Variants in LPIN1 observed in about 807,000 individuals in gnomAD.
The protein encoded by LPIN1 is phosphatidate phosphatase LPIN1.
LPIN1 carries 71 observed loss-of-function variants against 107.5 expected under a neutral mutation model. The ratio of observed to expected loss-of-function variants is 0.66; its 90% CI spans 0.55 to 0.80. The LOEUF (loss-of-function observed/expected upper bound fraction) is 0.80, where lower values mean the gene tolerates loss of function less well. Among genes scored for constraint, LPIN1 ranks in the 30% least tolerant of loss-of-function variants. The pLI is 0.00. For missense variants in LPIN1, 1,043 were observed against 1,160.6 expected (o/e 0.90, Z 1.47); for synonymous variants, 445 against 452.6 (o/e 0.98, Z 0.21).
At chr2:11,683,751 G>C (rs1383763408) in intron 1 of LPIN1, among the ~76,000 whole-genome samples, 4 of 152,220 alleles carry the variant, frequency 2.6e-5, no homozygotes. Flanking sequence ...CAGGACGGCT[G>C]GTGTTTATGT....
At chr2:11,691,625 G>T (rs1387656409) in intron 1 of LPIN1, among the ~76,000 whole-genome samples, 1 of 152,174 alleles carries the variant, frequency 6.6e-6, no homozygotes, top group Non-Finnish European at 1.5e-5. Flanking sequence ...TGTCATATTT[G>T]CTTATCCATT....
chr2:11,785,684 C>T (rs907267835), intron 10 of LPIN1, among the ~76,000 whole-genome samples: 4 of 152,138 alleles, frequency 2.6e-5, no homozygotes, highest in Admixed American at 2.0e-4. Flanking sequence ...TTTTCCATCC[C>T]CTCGTGGTAT....
Position 11,797,506 on chromosome 2 carries a change from C to T in LPIN1, c.1886+2019C>T, listed in dbSNP as rs576855420. Among the ~76,000 whole-genome samples the T allele has an allele frequency of 3.9e-5, 6 of 152,328 alleles. No individual in the cohort carries two copies. The East Asian group carries it at 1.2e-3, about 29-fold the overall frequency. ...CTGGCAGTGCCCAAGGCTGTGGGAGCCCACCTCTTACATTAGTGTGACCTG... is the reference window on the plus strand; with the variant it reads ...CTGGCAGTGCCCAAGGCTGTGGGAGTCCACCTCTTACATTAGTGTGACCTG... On this transcript the variant is annotated intron_variant, in intron 14 of 20. Transcript: ENST00000674199.
upstream of LPIN1, among the ~76,000 whole-genome samples, chr2:11,744,584 C>A (rs1179086170): frequency 6.6e-6 from 1 of 152,182 alleles, no homozygotes; most frequent in African/African-American, 2.4e-5. Context: ...AGAATGAGGG[C>A]TTTGAGTTGA....
chr2:11,714,518 C>T (rs1663605531), intron 2 of LPIN1, among the ~76,000 whole-genome samples: 1 of 152,168 alleles, frequency 6.6e-6, no homozygotes, highest in Non-Finnish European at 1.5e-5. Context: ...AGAGGTGGTC[C>T]CAAACTCTGT....
chr2:11,740,290 C>T lies in LPIN1; in HGVS notation c.-71-1059C>T, dbSNP rs191050317. Among the ~76,000 whole-genome samples the T allele has an allele frequency of 1.3e-4, 20 of 152,316 alleles. 1 individual carries two copies. The highest frequency in any genetic ancestry group is 2.6e-4 in the Admixed American group (4 of 15,294). On this transcript the variant is annotated intron_variant, in intron 1 of 21. Transcript: ENST00000396097. ...GAATCTTCCTTCCTCACTCAGTTCACTGATCCAAATGCCAACCTCTACCAG... is the reference window on the plus strand; with the variant it reads ...GAATCTTCCTTCCTCACTCAGTTCATTGATCCAAATGCCAACCTCTACCAG...
chr2:11,705,256 TC>T (rs1663070888), intron 1 of LPIN1, among the ~76,000 whole-genome samples: 1 of 152,146 alleles, frequency 6.6e-6, no homozygotes, highest in Non-Finnish European at 1.5e-5. Context: ...CTCGGCCAAG[TC>T]CTTTGACCTT....
rs774080823 is a variant in LPIN1 at position 11,824,668 on chromosome 2, C to T, written c.2658C>T (p.Phe886=). 3 of 1,614,104 alleles carry T rather than the reference C, an allele frequency of 1.9e-6. No individual in the cohort carries two copies. Among genetic ancestry groups the T allele is most frequent in the Admixed American group, 3.3e-5 (2 of 60,016 alleles). ...TCTGTGAAGTAGTCGACCACGTTTTCCCGTTGCTGAAAAGAAGCCATTCTT... is the reference window on the plus strand; with the variant it reads ...TCTGTGAAGTAGTCGACCACGTTTTTCCGTTGCTGAAAAGAAGCCATTCTT... ...VRLCEVVDHV[F]PLLKRSHSSD... is the part of the protein sequence containing the mutation. Residue 886 remains phenylalanine, a synonymous_variant, in exon 21 of 21, where the codon TTC becomes TTT. Transcript: ENST00000674199.
At chr2:11,772,392 C>G (rs1671996061) in intron 4 of LPIN1, among the ~76,000 whole-genome samples, 1 of 152,208 alleles carries the variant, frequency 6.6e-6, no homozygotes, top group African/African-American at 2.4e-5. Context: ...TGCCAAACCT[C>G]CTTGGCTGAT....
Position 11,773,752 on chromosome 2 carries a change from T to C in LPIN1, c.722+7T>C, listed in dbSNP as rs768694695. 7 of 1,613,990 alleles carry C rather than the reference T, an allele frequency of 4.3e-6. No homozygotes were observed. The highest frequency in any genetic ancestry group is 1.7e-5 in the Admixed American group (1 of 60,010). On this transcript the variant is annotated splice_region_variant and intron_variant, in intron 5 of 20. Coordinates refer to ENST00000674199, the MANE Select transcript of LPIN1 (RefSeq NM_001349206.2). ...AGTGGTCACCCACTCCCAGGTAAGCTGTTCCCTGTTCCCCTGGCCCAGTGC... is the reference window on the plus strand; with the variant it reads ...AGTGGTCACCCACTCCCAGGTAAGCCGTTCCCTGTTCCCCTGGCCCAGTGC...
chr2:11,793,239 A>G (rs1676094828), intron 13 of LPIN1, among the ~76,000 whole-genome samples: 1 of 152,188 alleles, frequency 6.6e-6, no homozygotes, highest in African/African-American at 2.4e-5. Flanking sequence ...TCACTCCCAC[A>G]CCAGGTCCTA....
exon 1 of LPIN1, chr2:11,724,437 C>G: frequency 6.1e-6 from 6 of 985,764 alleles, no homozygotes; most frequent in Non-Finnish European, 7.2e-6. Flanking sequence ...AGGGCAAGAC[C>G]GGGGCCAGCC....
chr2:11,767,140 T>C (rs560822618), intron 2 of LPIN1, among the ~76,000 whole-genome samples: 1 of 152,352 alleles, frequency 6.6e-6, no homozygotes, highest in Admixed American at 6.5e-5. Context: ...AAACAAATCC[T>C]TGCAAATAGA....
intron 1 of LPIN1, among the ~76,000 whole-genome samples, chr2:11,686,003 G>A (rs1486002936): frequency 6.6e-6 from 1 of 152,180 alleles, no homozygotes; most frequent in East Asian, 1.9e-4. Flanking sequence ...TGTAAGTGCA[G>A]CCTTCTCCAG....
chr2:11,756,777 C>T (rs754665489), intron 1 of LPIN1, among the ~76,000 whole-genome samples: 10 of 152,252 alleles, frequency 6.6e-5, no homozygotes, highest in East Asian at 1.9e-4. Flanking sequence ...AAGTGGAATA[C>T]GCTTGTAGAT....
In LPIN1 at chr2:11,800,414, T is replaced by G. The variant is rs193085795; in HGVS notation, c.1887-2493T>G. On this transcript the variant is annotated intron_variant, in intron 14 of 20. Transcript: ENST00000674199. ...AGTATTGGGTTGTAGGGATCTCTTTTTTTTCTTTTTTGAGACAGGGTCTTA... is the reference window on the plus strand; with the variant it reads ...AGTATTGGGTTGTAGGGATCTCTTTGTTTTCTTTTTTGAGACAGGGTCTTA... 9.0e-3 allele frequency among the ~76,000 whole-genome samples: 1,363 copies of G among 152,240 alleles called. 23 individuals are homozygous for G. Among genetic ancestry groups the G allele is most frequent in the Admixed American group, 0.031 (467 of 15,296 alleles).
rs869167624 is a variant in LPIN1 at position 11,693,788 on chromosome 2, GTATATATATA to G, written c.81+16086_81+16095del. 9.5e-3 allele frequency among the ~76,000 whole-genome samples: 389 copies of G among 40,888 alleles called. 5 individuals carry two copies. Among genetic ancestry groups the G allele is most frequent in the Middle Eastern group, 0.042 (3 of 72 alleles). The allele number at this position is 40,888 out of a possible 152,430, so 26.8% of individuals were successfully genotyped here. On this transcript the variant is annotated intron_variant, in intron 1 of 21. Transcript: ENST00000449576. ...GCCATATATGTGTGTGTGTGAGTGT[GTATATATATA>G]TATATATATATATATATATATATAT... is the stretch of plus-strand genomic sequence containing the variant.
intron 1 of LPIN1, among the ~76,000 whole-genome samples, chr2:11,701,657 C>G (rs1202747055): frequency 6.6e-6 from 1 of 152,176 alleles, no homozygotes; most frequent in Non-Finnish European, 1.5e-5. Flanking sequence ...ACTTAATCCT[C>G]ACGACAACAG....
At chr2:11,814,318 A>G (rs992527487) in intron 17 of LPIN1, among the ~76,000 whole-genome samples, 6 of 152,172 alleles carry the variant, frequency 3.9e-5, no homozygotes, top group Non-Finnish European at 8.8e-5. Flanking sequence ...GATGGGCATC[A>G]GGGTGACCTG....
Sources: gnomAD v4.1 joint callset for allele counts (sites outside exome capture counted in the v4.1 genomes callset) on GRCh38, gnomAD v4.1.1 for gene constraint, MANE v1.5 for transcripts, NCBI Gene and HGNC (gene_info 2026-07-23, HGNC 2026-07-21) for gene names.